MDGA2: variants seen among roughly 807,000 people sequenced by gnomAD.
MDGA2 encodes the protein MAM domain-containing glycosylphosphatidylinositol anchor protein 2.
MDGA2 carries 40 observed loss-of-function variants against 117.8 expected under a neutral mutation model. The observed-to-expected ratio is 0.34, with a 90% confidence interval of 0.26 to 0.44. The LOEUF is 0.44. Among genes scored for constraint, MDGA2 ranks in the 20% least tolerant of loss-of-function variants. MDGA2 has a pLI of 1.00. For synonymous variants in MDGA2, 452 were observed against 439.0 expected, an observed-to-expected ratio of 1.03 and a Z score of -0.37; for missense variants, 1,123 against 1,250.6, an observed-to-expected ratio of 0.90 and a Z score of 1.54.
At chr14:47,180,368 G>T (rs1314997388) in intron 3 of MDGA2, among the ~76,000 whole-genome samples, 2 of 152,102 alleles carry the variant, frequency 1.3e-5, no homozygotes, top group African/African-American at 4.8e-5. Flanking sequence ...TTAAACTAAG[G>T]AGCTTCTGCA....
At chr14:47,334,148 T>C (rs893212000) in intron 1 of MDGA2, among the ~76,000 whole-genome samples, 8 of 151,818 alleles carry the variant, frequency 5.3e-5, no homozygotes, top group African/African-American at 1.7e-4. Context: ...AAAAACCTTC[T>C]TGGCTTTTTT....
chr14:47,178,400 G>C (rs1015779399), intron 3 of MDGA2, among the ~76,000 whole-genome samples: 15 of 152,060 alleles, frequency 9.9e-5, no homozygotes, highest in African/African-American at 3.6e-4. Flanking sequence ...TTAAAGCTGG[G>C]ACTATGCCTG....
intron 9 of MDGA2, among the ~76,000 whole-genome samples, chr14:46,937,305 T>C (rs1020461980): frequency 1.2e-5 from 1 of 85,908 alleles, no homozygotes; most frequent in Non-Finnish European, 2.5e-5. Flanking sequence ...TAAAAAAAAT[T>C]GAGGAAGACA....
At chr14:47,314,268 T>C (rs1219144653) in intron 1 of MDGA2, among the ~76,000 whole-genome samples, 1 of 152,188 alleles carries the variant, frequency 6.6e-6, no homozygotes, top group Non-Finnish European at 1.5e-5. Context: ...ACCCATAGTG[T>C]GCTGGCCGCA....
At chr14:47,550,327 TA>T (rs1199811198) in intron 1 of MDGA2, among the ~76,000 whole-genome samples, 9 of 152,344 alleles carry the variant, frequency 5.9e-5, no homozygotes, top group Admixed American at 2.6e-4. Context: ...TCTTTGTGAA[TA>T]AAATGATTAT....
intron 1 of MDGA2, among the ~76,000 whole-genome samples, chr14:47,662,519 G>T (rs1260062308): frequency 6.6e-6 from 1 of 151,982 alleles, no homozygotes; most frequent in Non-Finnish European, 1.5e-5. Context: ...CATTAAATTA[G>T]TATCAATGAC....
chr14:46,883,890 A>T (rs145404824), intron 10 of MDGA2, among the ~76,000 whole-genome samples: 1 of 151,900 alleles, frequency 6.6e-6, no homozygotes, highest in Non-Finnish European at 1.5e-5. Context: ...TCCTCTTTCT[A>T]TATGTATCTA....
At chr14:47,484,355 A>G (rs1297165752) in intron 1 of MDGA2, among the ~76,000 whole-genome samples, 2 of 152,206 alleles carry the variant, frequency 1.3e-5, no homozygotes, top group Non-Finnish European at 2.9e-5. Flanking sequence ...GTTGCAAAAT[A>G]AAGTCAAGTC....
At chr14:47,079,610 C>G (rs1281096412) in intron 6 of MDGA2, among the ~76,000 whole-genome samples, 1 of 150,980 alleles carries the variant, frequency 6.6e-6, no homozygotes, top group African/African-American at 2.4e-5. Flanking sequence ...TTTAGAAAGA[C>G]ATTTATTGCA....
intron 5 of MDGA2, among the ~76,000 whole-genome samples, chr14:47,112,971 A>G (rs535863631): frequency 1.3e-5 from 2 of 152,166 alleles, no homozygotes; most frequent in Admixed American, 6.5e-5. Context: ...TGTGGTTTTC[A>G]TTTGCATTTC....
intron 4 of MDGA2, among the ~76,000 whole-genome samples, chr14:47,132,519 CAAGCAAG>C (rs1395939159): frequency 6.6e-6 from 1 of 151,770 alleles, no homozygotes; most frequent in African/African-American, 2.4e-5. Flanking sequence ...AGATGCAAAT[CAAGCAAG>C]TGGCCAGAAG....
At chr14:47,567,616 A>T (rs947139613) in intron 1 of MDGA2, among the ~76,000 whole-genome samples, 6 of 152,194 alleles carry the variant, frequency 3.9e-5, no homozygotes, top group Non-Finnish European at 7.3e-5. Context: ...GGGAGGGCTG[A>T]ACACATGCTC....
At chr14:47,093,833 A>G (rs1879809944) in intron 6 of MDGA2, among the ~76,000 whole-genome samples, 1 of 152,070 alleles carries the variant, frequency 6.6e-6, no homozygotes. Context: ...ACATTCTTAA[A>G]TGAGGATGGG....
intron 1 of MDGA2, among the ~76,000 whole-genome samples, chr14:47,520,502 TATA>T (rs1411973790): frequency 6.6e-6 from 1 of 152,190 alleles, no homozygotes; most frequent in African/African-American, 2.4e-5. Flanking sequence ...CGTAAAAATC[TATA>T]ATATGGACAT....
intron 6 of MDGA2, among the ~76,000 whole-genome samples, chr14:47,091,365 G>A (rs1222020793): frequency 6.6e-6 from 1 of 152,010 alleles, no homozygotes; most frequent in Non-Finnish European, 1.5e-5. Context: ...CTATTAAAAA[G>A]CAGACAATAA....
At chr14:47,251,178 C>G (rs1296407631) in intron 2 of MDGA2, among the ~76,000 whole-genome samples, 2 of 152,154 alleles carry the variant, frequency 1.3e-5, no homozygotes, top group Non-Finnish European at 2.9e-5. Context: ...GGTTTTCTGT[C>G]CTAGAATTCT....
intron 2 of MDGA2, among the ~76,000 whole-genome samples, chr14:47,259,416 T>C (rs1211410383): frequency 6.6e-6 from 1 of 152,122 alleles, no homozygotes; most frequent in South Asian, 2.1e-4. Flanking sequence ...TGTCCTAAAA[T>C]GTGTACCAAA....
At position 47,219,869 on chromosome 14, in the gene MDGA2, A is replaced by G. The variant is rs187071666; in HGVS notation, c.421-1674T>C. Among the ~76,000 whole-genome samples the G allele has an allele frequency of 1.2e-3, 184 of 152,296 alleles. 1 individual carries two copies. Among genetic ancestry groups the G allele is most frequent in the African/African-American group, 4.2e-3 (174 of 41,586 alleles). ...ATATTACTAAATGTTTATTAAAATTACACAAGGAAACATACAAAACTCTGT... is the reference window on the plus strand; with the variant it reads ...ATATTACTAAATGTTTATTAAAATTGCACAAGGAAACATACAAAACTCTGT... On this transcript the variant is annotated intron_variant, in intron 2 of 16. Coordinates refer to ENST00000399232, the MANE Select transcript of MDGA2 (RefSeq NM_001113498.3).
chr14:46,887,065 G>A (rs1275300569), intron 10 of MDGA2, among the ~76,000 whole-genome samples: 2 of 152,036 alleles, frequency 1.3e-5, no homozygotes, highest in Non-Finnish European at 2.9e-5. Context: ...TACATTTAGT[G>A]AGGCACAGAT....
Sources: gnomAD v4.1 joint callset for allele counts (sites outside exome capture counted in the v4.1 genomes callset) on GRCh38, gnomAD v4.1.1 for gene constraint, MANE v1.5 for transcripts, NCBI Gene and HGNC (gene_info 2026-07-23, HGNC 2026-07-21) for gene names.